The following GALNT13 variants were observed in gnomAD, a reference collection of about 807,000 sequenced individuals.
GALNT13 encodes the protein UDP-GalNAc:polypeptide N-acetylgalactosaminyltransferase 13.
Under a neutral mutation model 64.2 loss-of-function variants are expected in GALNT13, and 28 were observed. That is an observed-to-expected ratio of 0.44 (90% CI 0.32 to 0.60). The LOEUF (loss-of-function observed/expected upper bound fraction) is 0.60, where lower values mean the gene tolerates loss of function less well. GALNT13 is among the 20% of genes least tolerant of loss of function. The pLI is 0.05. For missense variants in GALNT13, 577 were observed against 669.8 expected, an observed-to-expected ratio of 0.86 and a Z score of 1.53; for synonymous variants, 214 against 224.6, an observed-to-expected ratio of 0.95 and a Z score of 0.42.
the GALNT13 span, among the ~76,000 whole-genome samples, chr2:153,348,274 A>G: frequency 6.6e-6 from 1 of 152,208 alleles, no homozygotes; most frequent in Non-Finnish European, 1.5e-5. Flanking sequence ...GTGACATTTT[A>G]AAAGAACAGA....
At chr2:153,454,648 G>A in the GALNT13 span, among the ~76,000 whole-genome samples, 3 of 152,126 alleles carry the variant, frequency 2.0e-5, no homozygotes, top group Non-Finnish European at 2.9e-5. Context: ...AGAAACCTGG[G>A]AATTGTCCTA....
chr2:153,491,933 C>G, the GALNT13 span, among the ~76,000 whole-genome samples: 4 of 151,952 alleles, frequency 2.6e-5, no homozygotes, highest in Non-Finnish European at 5.9e-5. Context: ...ATCTTTATTT[C>G]TATATGAAGC....
At chr2:153,876,238 C>G (rs1432133346) in intron 1 of GALNT13, among the ~76,000 whole-genome samples, 3 of 150,252 alleles carry the variant, frequency 2.0e-5, no homozygotes, top group Admixed American at 6.6e-5. Flanking sequence ...CACACACATA[C>G]ACACACAGTG....
the GALNT13 span, among the ~76,000 whole-genome samples, chr2:153,583,748 C>T: frequency 2.0e-5 from 3 of 152,166 alleles, no homozygotes; most frequent in Non-Finnish European, 2.9e-5. Flanking sequence ...TTGATCCTAG[C>T]TCTTGAATAG....
At chr2:154,446,450 T>C (rs944589993) in intron 12 of GALNT13, 3 of 1,094,094 alleles carry the variant, frequency 2.7e-6, no homozygotes, top group Admixed American at 3.2e-5. Flanking sequence ...GATACAATTA[T>C]TGTGACATGT....
intron 8 of GALNT13, among the ~76,000 whole-genome samples, chr2:154,273,329 T>G (rs187779262): frequency 1.3e-5 from 2 of 151,930 alleles, no homozygotes; most frequent in African/African-American, 4.8e-5. Flanking sequence ...ACATTCAGCA[T>G]AGAAAAAAAA....
intron 11 of GALNT13, among the ~76,000 whole-genome samples, chr2:154,416,344 AAG>A (rs1279901578): frequency 6.6e-6 from 1 of 151,574 alleles, no homozygotes; most frequent in African/African-American, 2.4e-5. Context: ...CACATGGTGA[AAG>A]AGAAGAGCTA....
intron 2 of GALNT13, among the ~76,000 whole-genome samples, chr2:153,906,141 G>T (rs1386305586): frequency 6.6e-6 from 1 of 151,532 alleles, no homozygotes; most frequent in Non-Finnish European, 1.5e-5. Flanking sequence ...CATAAGTAAG[G>T]GGGGACTTAT....
At chr2:154,363,371 G>T (rs1157869459) in intron 9 of GALNT13, among the ~76,000 whole-genome samples, 1 of 151,996 alleles carries the variant, frequency 6.6e-6, no homozygotes, top group Non-Finnish European at 1.5e-5. Context: ...TTTGTGGAGC[G>T]GGGGGAAGCT....
intron 3 of GALNT13, among the ~76,000 whole-genome samples, chr2:154,119,091 C>T (rs1681776742): frequency 6.6e-6 from 1 of 151,972 alleles, no homozygotes; most frequent in African/African-American, 2.4e-5. Flanking sequence ...TTAATAACTC[C>T]CATTAAGATT....
At chr2:153,203,684 T>C in the GALNT13 span, among the ~76,000 whole-genome samples, 2 of 152,266 alleles carry the variant, frequency 1.3e-5, no homozygotes, top group Non-Finnish European at 1.5e-5. Context: ...CTAATTTCCA[T>C]AGTAGCTTGT....
chr2:153,331,507 C>G, the GALNT13 span, among the ~76,000 whole-genome samples: 2 of 152,006 alleles, frequency 1.3e-5, no homozygotes. Context: ...GGCTGAGGAG[C>G]AAGGAGAACC....
At chr2:153,725,440 A>C in the GALNT13 span, among the ~76,000 whole-genome samples, 2 of 151,108 alleles carry the variant, frequency 1.3e-5, no homozygotes, top group South Asian at 4.2e-4. Context: ...CATGTACCCT[A>C]AAACTTAAAG....
chr2:153,216,355 A>G, the GALNT13 span, among the ~76,000 whole-genome samples: 2 of 152,056 alleles, frequency 1.3e-5, no homozygotes, highest in Non-Finnish European at 2.9e-5. Flanking sequence ...CATAAGTAGT[A>G]TATGGTTATT....
chr2:153,198,475 A>G, the GALNT13 span, among the ~76,000 whole-genome samples: 2 of 152,060 alleles, frequency 1.3e-5, no homozygotes, highest in South Asian at 4.2e-4. Flanking sequence ...TGCTTCAGGT[A>G]TTTCCTGTCA....
chr2:153,181,296 G>A, the GALNT13 span, among the ~76,000 whole-genome samples: 1 of 150,124 alleles, frequency 6.7e-6, no homozygotes, highest in Non-Finnish European at 1.5e-5. Context: ...AAATCTCCAT[G>A]TGTTTGTGAA....
intron 8 of GALNT13, among the ~76,000 whole-genome samples, chr2:154,300,579 A>G (rs999439929): frequency 6.6e-6 from 1 of 151,936 alleles, no homozygotes; most frequent in Non-Finnish European, 1.5e-5. Flanking sequence ...TGTTATATAT[A>G]TATATAATTG....
chr2:153,154,236 G>C, the GALNT13 span, among the ~76,000 whole-genome samples: 1 of 152,108 alleles, frequency 6.6e-6, no homozygotes, highest in Admixed American at 6.6e-5. Context: ...TCTTGTGATA[G>C]TGAATAAGTC....
the GALNT13 span, among the ~76,000 whole-genome samples, chr2:153,552,364 T>C: frequency 6.6e-6 from 1 of 152,196 alleles, no homozygotes; most frequent in African/African-American, 2.4e-5. Context: ...AGGAACAAAC[T>C]GAAGATTCAG....
Sources: gnomAD v4.1 joint callset for allele counts (sites outside exome capture counted in the v4.1 genomes callset) on GRCh38, gnomAD v4.1.1 for gene constraint, MANE v1.5 for transcripts, NCBI Gene and HGNC (gene_info 2026-07-23, HGNC 2026-07-21) for gene names.